Variants in PDE11A observed in about 807,000 individuals in gnomAD.
The protein encoded by PDE11A is phosphodiesterase 11A, also known as dual 3',5'-cyclic-AMP and -GMP phosphodiesterase 11A.
PDE11A carries 100 observed loss-of-function variants against 100.5 expected under a neutral mutation model. The observed-to-expected ratio is 1.00, with a 90% CI of 0.85 to 1.18. The LOEUF is 1.18. Ranked by LOEUF, PDE11A falls within the 50% of genes most tolerant of loss-of-function variation. PDE11A has a pLI of 0.00. For synonymous variants in PDE11A, 381 were observed against 420.8 expected (o/e 0.91, Z 1.16); for missense variants, 1,141 against 1,152.6 (o/e 0.99, Z 0.15).
chr2:177,783,179 T>A (rs377042032), intron 9 of PDE11A, among the ~76,000 whole-genome samples: 2 of 152,200 alleles, frequency 1.3e-5, no homozygotes, highest in Non-Finnish European at 2.9e-5. Flanking sequence ...TCCCACATCC[T>A]CTGATTACTA....
intron 1 of PDE11A, among the ~76,000 whole-genome samples, chr2:178,047,176 C>A (rs966378091): frequency 1.3e-5 from 2 of 151,908 alleles, no homozygotes; most frequent in African/African-American, 4.8e-5. Flanking sequence ...TAGATATCAC[C>A]CAAGGCCGGG....
chr2:177,730,158 C>A (rs897706351), intron 10 of PDE11A, among the ~76,000 whole-genome samples: 1 of 152,090 alleles, frequency 6.6e-6, no homozygotes, highest in Non-Finnish European at 1.5e-5. Context: ...ACATGTGCCA[C>A]GTTGGTGTGT....
chr2:178,093,562 C>T (rs1375422772), intron 2 of PDE11A, among the ~76,000 whole-genome samples: 1 of 152,172 alleles, frequency 6.6e-6, no homozygotes, highest in African/African-American at 2.4e-5. Flanking sequence ...AGAAACAGAA[C>T]TGCTACCTTC....
chr2:177,758,949 T>C (rs924270979), intron 10 of PDE11A, among the ~76,000 whole-genome samples: 12 of 152,360 alleles, frequency 7.9e-5, no homozygotes, highest in African/African-American at 2.9e-4. Context: ...TTTAAATTAC[T>C]GTCTCTGGGG....
Position 177,794,355 on chromosome 2 carries a change from A to T in PDE11A, c.1737+22474T>A, listed in dbSNP as rs1422600980. On this transcript the variant is annotated intron_variant, in intron 9 of 19. Coordinates refer to ENST00000286063, the MANE Select transcript of PDE11A (RefSeq NM_016953.4). The stretch of plus-strand genomic sequence containing the variant: ...AAGGAAAAGCAAAGAGGCCAGTGGG[A>T]CAGAGTGAGGAAAGTGAGAATAACA... 2.0e-5 allele frequency among the ~76,000 whole-genome samples: 3 copies of T among 152,328 alleles called. No individual in the cohort carries two copies. The East Asian group carries it at 5.8e-4, about 29-fold the overall frequency.
chr2:178,041,278 C>G (rs1443888541), intron 1 of PDE11A, among the ~76,000 whole-genome samples: 18 of 148,656 alleles, frequency 1.2e-4, no homozygotes, highest in Non-Finnish European at 2.5e-4. Context: ...GAGTCTTGCT[C>G]TGTCACCCAG....
At chr2:177,902,714 C>G (rs1468984446) in intron 3 of PDE11A, among the ~76,000 whole-genome samples, 1 of 152,154 alleles carries the variant, frequency 6.6e-6, no homozygotes, top group Non-Finnish European at 1.5e-5. Context: ...TGACATCTTC[C>G]CAGAGCTTTA....
At chr2:177,767,140 A>T (rs994717560) in intron 10 of PDE11A, among the ~76,000 whole-genome samples, 1 of 152,014 alleles carries the variant, frequency 6.6e-6, no homozygotes, top group African/African-American at 2.4e-5. Flanking sequence ...GACCAACCTG[A>T]CCAACATGGT....
At chr2:177,998,569 A>G (rs575866716) in intron 2 of PDE11A, 2 of 1,298,228 alleles carry the variant, frequency 1.5e-6, no homozygotes, top group East Asian at 2.3e-5. Context: ...CAGAGGTCTA[A>G]CTGTGCATTG....
intron 9 of PDE11A, among the ~76,000 whole-genome samples, chr2:177,774,454 C>T (rs1177183344): frequency 6.6e-6 from 1 of 152,176 alleles, no homozygotes; most frequent in Non-Finnish European, 1.5e-5. Flanking sequence ...CTTGGGAGAG[C>T]ACTCACTCCT....
intron 4 of PDE11A, among the ~76,000 whole-genome samples, chr2:177,884,638 G>A (rs1262326477): frequency 6.6e-6 from 1 of 152,180 alleles, no homozygotes; most frequent in Non-Finnish European, 1.5e-5. Context: ...ATGTTGGGTA[G>A]TGTGAGCATT....
intron 5 of PDE11A, among the ~76,000 whole-genome samples, chr2:177,875,592 A>T (rs2084222324): frequency 6.6e-6 from 1 of 151,862 alleles, no homozygotes; most frequent in African/African-American, 2.4e-5. Context: ...CATGTTAGCC[A>T]GGATGGTCTC....
chr2:177,872,889 G>C (rs1245772786), intron 5 of PDE11A, among the ~76,000 whole-genome samples: 1 of 152,142 alleles, frequency 6.6e-6, no homozygotes, highest in Non-Finnish European at 1.5e-5. Context: ...ATCTACACGA[G>C]GAGAATTACT....
intron 9 of PDE11A, among the ~76,000 whole-genome samples, chr2:177,816,163 A>T (rs935415764): frequency 7.9e-5 from 12 of 152,004 alleles, no homozygotes; most frequent in African/African-American, 2.9e-4. Context: ...GTGAGCCGAG[A>T]TGGCACCACT....
intron 6 of PDE11A, among the ~76,000 whole-genome samples, chr2:177,833,898 A>C (rs1240251186): frequency 6.6e-6 from 1 of 152,180 alleles, no homozygotes; most frequent in Non-Finnish European, 1.5e-5. Flanking sequence ...AGATAAGGGA[A>C]CCTGCACAGG....
At chr2:177,784,248 G>A (rs2082498378) in intron 9 of PDE11A, among the ~76,000 whole-genome samples, 1 of 89,804 alleles carries the variant, frequency 1.1e-5, no homozygotes, top group Non-Finnish European at 2.4e-5. Context: ...GCCAAAACCT[G>A]CCAAAACCAA....
chr2:177,799,228 A>C (rs981856488), intron 9 of PDE11A, among the ~76,000 whole-genome samples: 10 of 152,214 alleles, frequency 6.6e-5, no homozygotes, highest in Non-Finnish European at 1.5e-4. Flanking sequence ...GACATGATGA[A>C]TCAATGTAAT....
intron 2 of PDE11A, among the ~76,000 whole-genome samples, chr2:177,993,373 TA>T (rs1553498356): frequency 0.041 from 6,143 of 150,614 alleles, 215 homozygotes; most frequent in East Asian, 0.094. Flanking sequence ...TTCTTCTTTT[TA>T]AAAAAAAAAT....
chr2:177,750,590 A>G (rs2082012056), intron 10 of PDE11A, among the ~76,000 whole-genome samples: 1 of 152,158 alleles, frequency 6.6e-6, no homozygotes, highest in Non-Finnish European at 1.5e-5. Flanking sequence ...ATGTGCTTAG[A>G]CTGGTGTTCC....
Sources: gnomAD v4.1 joint callset for allele counts (sites outside exome capture counted in the v4.1 genomes callset) on GRCh38, gnomAD v4.1.1 for gene constraint, MANE v1.5 for transcripts, NCBI Gene and HGNC (gene_info 2026-07-23, HGNC 2026-07-21) for gene names.